COL4A5: variants seen among roughly 807,000 people sequenced by gnomAD.
The protein encoded by COL4A5 is collagen type IV alpha 5 chain, also known as collagen alpha-5(IV) chain.
COL4A5 carries 26 observed loss-of-function variants against 130.2 expected under a neutral mutation model. That is an observed-to-expected ratio of 0.20 (90% CI 0.15 to 0.28). The LOEUF (loss-of-function observed/expected upper bound fraction) is 0.28, where lower values mean the gene tolerates loss of function less well. Among genes scored for constraint, COL4A5 ranks in the 10% least tolerant of loss-of-function variants. The pLI is 1.00. For missense variants in COL4A5, 1,131 were observed against 1,344.3 expected (o/e 0.84, Z 2.48); for synonymous variants, 496 against 439.6 (o/e 1.13, Z -1.60).
chrX:108,473,630 T>TAC (rs2064801480), intron 1 of COL4A5, among the ~76,000 whole-genome samples: 18 of 46,285 alleles, frequency 3.9e-4, no homozygotes, highest in Admixed American at 8.9e-4. Context: ...TATATATATA[T>TAC]ATATTTTTTT....
chrX:108,665,073 A>G (rs1014634218), intron 37 of COL4A5, among the ~76,000 whole-genome samples: 1 of 112,468 alleles, frequency 8.9e-6, no homozygotes, highest in African/African-American at 3.2e-5. Flanking sequence ...GCAGTGGTCT[A>G]CAAAAAGACC....
intron 10 of COL4A5, 47 bp downstream of exon 10, chrX:108,576,019 T>C: frequency 1.3e-6 from 1 of 756,923 alleles, no homozygotes; most frequent in Non-Finnish European, 2.0e-6. Context: ...CCTTTCTGAC[T>C]TCTTTCAGGA....
intron 28 of COL4A5, among the ~76,000 whole-genome samples, chrX:108,604,213 A>G (rs1342995638): frequency 1.8e-5 from 2 of 112,428 alleles, no homozygotes; most frequent in Non-Finnish European, 3.8e-5. Context: ...TTGTTTTGCC[A>G]GATCCATAAG....
intron 4 of COL4A5, among the ~76,000 whole-genome samples, chrX:108,566,092 C>G (rs770208552): frequency 9.3e-6 from 1 of 107,917 alleles, no homozygotes; most frequent in Non-Finnish European, 1.9e-5. Context: ...TGATTTGGCA[C>G]CCATGGATGG....
At chrX:108,604,219 A>G (rs2066691037) in intron 28 of COL4A5, among the ~76,000 whole-genome samples, 1 of 112,515 alleles carries the variant, frequency 8.9e-6, no homozygotes, top group Admixed American at 9.4e-5. Context: ...TGCCAGATCC[A>G]TAAGAAGAAT....
intron 22 of COL4A5, 29 bp from the exon 23 acceptor site, chrX:108,596,969 G>A: frequency 1.7e-6 from 2 of 1,150,342 alleles, no homozygotes; most frequent in Non-Finnish European, 2.3e-6. Flanking sequence ...TTGTGTGTGT[G>A]TGTGTTTGTT....
At position 108,514,513 on chromosome X, in the gene COL4A5, G is replaced by T. The variant is rs187505992; in HGVS notation, c.82-25233G>T. 6.3e-5 allele frequency among the ~76,000 whole-genome samples: 7 copies of T among 111,838 alleles called. No individual in the cohort carries two copies. In the South Asian group the frequency reaches 1.1e-3, roughly 18 times the overall value. On this transcript the variant is annotated intron_variant, in intron 1 of 52. Transcript: ENST00000328300. ...GGGAACCATTTACACTGGCATAGTT[G>T]CTAGAAAGGTAAATAAAAGCAAGAA...
intron 37 of COL4A5, among the ~76,000 whole-genome samples, chrX:108,657,063 TA>T (rs751799152): frequency 5.4e-5 from 6 of 112,101 alleles, no homozygotes; most frequent in Non-Finnish European, 1.1e-4. Flanking sequence ...TCCAATTCAA[TA>T]AATATTTGTC....
At chrX:108,695,778 T>C in intron 52 of COL4A5, 1 of 279,760 alleles carries the variant, frequency 3.6e-6, no homozygotes, top group South Asian at 4.1e-5. Flanking sequence ...CTTTTCCCTC[T>C]CAGTCCAGTG....
chrX:108,441,074 A>G (rs1569469753), intron 1 of COL4A5, among the ~76,000 whole-genome samples: 1 of 111,062 alleles, frequency 9.0e-6, no homozygotes, highest in Non-Finnish European at 1.9e-5. Flanking sequence ...TAGAATTCAA[A>G]CCTCAGTATA....
chrX:108,671,021 G>A (rs750319232), intron 42 of COL4A5, among the ~76,000 whole-genome samples: 7 of 110,668 alleles, frequency 6.3e-5, no homozygotes, highest in East Asian at 5.7e-4. Context: ...CAGCCAGGGC[G>A]AGACTAATAG....
At chrX:108,573,552 T>A in intron 8 of COL4A5, 22 bp from the exon 9 acceptor site, 1 of 1,119,118 alleles carries the variant, frequency 8.9e-7, no homozygotes, top group East Asian at 3.0e-5. Flanking sequence ...GTCTTAGAAC[T>A]TCCATTGATG....
In COL4A5 at chrX:108,477,619, G is replaced by A. The variant is rs747075737; in HGVS notation, c.81+37413G>A. On this transcript the variant is annotated intron_variant, in intron 1 of 52. Coordinates refer to ENST00000328300, the MANE Select transcript of COL4A5 (RefSeq NM_033380.3). ...ACCTGAGGTCGGGAGTTCGAGACCA[G>A]CCTGGCCAACGTGGAGAAAAACCCT... Among the ~76,000 whole-genome samples the A allele has an allele frequency of 2.7e-5, 3 of 109,860 alleles. 1 individual carries two copies. The Admixed American group carries it at 2.9e-4, about 11-fold the overall frequency.
chrX:108,473,633 A>ATATATATATATATATTTTT lies in COL4A5; in HGVS notation c.81+33428_81+33429insATATATATATATATTTTTT. On this transcript the variant is annotated intron_variant, in intron 1 of 52. Transcript: ENST00000328300. The stretch of plus-strand genomic sequence containing the variant: ...TATATGTATATATATATATATATAT[A>ATATATATATATATATTTTT]TTTTTTTTTTTTTGAGATGAAGTCT... Among the ~76,000 whole-genome samples the ATATATATATATATATTTTT allele has an allele frequency of 9.5e-3, 329 of 34,501 alleles. 23 individuals carry two copies. Among genetic ancestry groups the ATATATATATATATATTTTT allele is most frequent in the Non-Finnish European group, 0.016 (259 of 16,500 alleles). The allele number at this position is 34,501 out of a possible 115,157, so 30.0% of individuals were successfully genotyped here. A position where few individuals can be genotyped will look rare whatever the true frequency, so the allele number is the denominator to read the frequency against.
rs1446078714 is a variant in COL4A5, at chrX:108,598,719, G to A, written c.1797G>A (p.Lys599=). Reference sequence around the variant, plus strand: ...CTTTTTAGGGTGGAATTACTTTTAAGGGTGAAAGAGGTCCCCCTGGGAACC... The same window carrying A: ...CTTTTTAGGGTGGAATTACTTTTAAAGGTGAAAGAGGTCCCCCTGGGAACC... ...PKGEPGGITF[K]GERGPPGNPG... is the part of the protein sequence containing the mutation. Residue 599 remains lysine, a synonymous_variant, in exon 25 of 53, where the codon AAG becomes AAA. Coordinates refer to ENST00000328300, the MANE Select transcript of COL4A5 (RefSeq NM_033380.3). 1.7e-6 allele frequency: 2 copies of A among 1,208,710 alleles called. No individual in the cohort carries two copies. The highest frequency in any genetic ancestry group is 3.5e-5 in the African/African-American group (2 of 57,215).
intron 1 of COL4A5, among the ~76,000 whole-genome samples, chrX:108,527,476 C>A (rs1444427733): frequency 1.8e-5 from 2 of 111,826 alleles, no homozygotes; most frequent in African/African-American, 6.5e-5. Context: ...GTATTTCTTT[C>A]AATTCTATAT....
At chrX:108,549,277 C>G (rs1185889000) in intron 2 of COL4A5, among the ~76,000 whole-genome samples, 1 of 111,609 alleles carries the variant, frequency 9.0e-6, no homozygotes, top group Non-Finnish European at 1.9e-5. Context: ...ATAAAAAGAG[C>G]CCAACATCAA....
intron 37 of COL4A5, 144 bp downstream of exon 37, chrX:108,655,601 T>C: frequency 1.4e-6 from 1 of 705,097 alleles, no homozygotes; most frequent in Non-Finnish European, 2.1e-6. Flanking sequence ...ACTATCTCTT[T>C]ACCTTTTCTT....
intron 1 of COL4A5, among the ~76,000 whole-genome samples, chrX:108,516,059 A>G (rs895235629): frequency 1.6e-4 from 18 of 112,030 alleles, no homozygotes; most frequent in Middle Eastern, 4.6e-3. Flanking sequence ...AGTAAAGATC[A>G]TATTAGCTCT....
Sources: gnomAD v4.1 joint callset for allele counts (sites outside exome capture counted in the v4.1 genomes callset) on GRCh38, gnomAD v4.1.1 for gene constraint, MANE v1.5 for transcripts, NCBI Gene and HGNC (gene_info 2026-07-23, HGNC 2026-07-21) for gene names.